Variants in RORB observed in about 807,000 individuals in gnomAD.
RORB encodes RAR related orphan receptor B.
Under a neutral mutation model 59.1 loss-of-function variants are expected in RORB, and 6 were observed. That is an observed-to-expected ratio of 0.10 (90% CI 0.06 to 0.20). The LOEUF (loss-of-function observed/expected upper bound fraction) is 0.20, where lower values mean the gene tolerates loss of function less well. RORB is among the 10% of genes least tolerant of loss of function. The pLI, the probability that RORB is intolerant of heterozygous loss-of-function variation, is 1.00. For missense variants in RORB, 320 were observed against 560.5 expected (o/e 0.57, Z 4.33); for synonymous variants, 215 against 204.5 (o/e 1.05, Z -0.44).
intron 3 of RORB, among the ~76,000 whole-genome samples, chr9:74,639,824 G>T (rs1823766489): frequency 6.6e-6 from 1 of 152,118 alleles, no homozygotes; most frequent in Non-Finnish European, 1.5e-5. Flanking sequence ...AATATTTATA[G>T]TTGTTTATTT....
At chr9:74,557,575 A>C (rs1209228714) in intron 1 of RORB, among the ~76,000 whole-genome samples, 3 of 152,172 alleles carry the variant, frequency 2.0e-5, no homozygotes, top group Non-Finnish European at 4.4e-5. Flanking sequence ...ATGCACACTA[A>C]TATAATCAGG....
chr9:74,608,836 T>C (rs1823189754), intron 1 of RORB, among the ~76,000 whole-genome samples: 1 of 152,222 alleles, frequency 6.6e-6, no homozygotes. Context: ...TTTGCCAAAC[T>C]GTAAATAGAT....
At chr9:74,515,700 A>G (rs142973539) in intron 1 of RORB, among the ~76,000 whole-genome samples, 11 of 152,146 alleles carry the variant, frequency 7.2e-5, no homozygotes, top group African/African-American at 2.6e-4. Context: ...TGAACCTATA[A>G]TGTTTCAAAA....
intron 1 of RORB, among the ~76,000 whole-genome samples, chr9:74,604,291 G>A (rs1426338959): frequency 6.6e-6 from 1 of 152,102 alleles, no homozygotes. Context: ...CCTTGGCAAG[G>A]CCATTTAATC....
rs368073361 is a variant in RORB, at chr9:74,677,294, G to A, written c.1224+5393G>A. Among the ~76,000 whole-genome samples the A allele has an allele frequency of 1.8e-4, 27 of 152,216 alleles. No individual in the cohort carries two copies. In the South Asian group the frequency reaches 1.9e-3, roughly 11 times the overall value. On this transcript the variant is annotated intron_variant, in intron 9 of 9. Coordinates refer to ENST00000376896, the MANE Select transcript of RORB (RefSeq NM_006914.4). ...TTCCTGACTTCTGACCTACTATACCGTGGCCAGCACTACTTTGGGCATCTA... is the reference window on the plus strand; with the variant it reads ...TTCCTGACTTCTGACCTACTATACCATGGCCAGCACTACTTTGGGCATCTA...
At chr9:74,602,546 G>A (rs1287483285) in intron 1 of RORB, among the ~76,000 whole-genome samples, 1 of 152,208 alleles carries the variant, frequency 6.6e-6, no homozygotes, top group Non-Finnish European at 1.5e-5. Flanking sequence ...GATGACAAGT[G>A]ACGATCCGTC....
intron 1 of RORB, among the ~76,000 whole-genome samples, chr9:74,549,090 C>T (rs4745340): frequency 1.3e-5 from 2 of 151,962 alleles, no homozygotes; most frequent in South Asian, 2.1e-4. Flanking sequence ...TTGAAATATG[C>T]GTACTGCTCA....
intron 4 of RORB, among the ~76,000 whole-genome samples, chr9:74,660,152 A>C (rs2118509803): frequency 6.6e-6 from 1 of 152,152 alleles, no homozygotes; most frequent in South Asian, 2.1e-4. Context: ...CCTTTCTTTT[A>C]GTTTATTGTT....
intron 2 of RORB, among the ~76,000 whole-genome samples, chr9:74,634,018 C>T (rs537885404): frequency 6.6e-6 from 1 of 151,414 alleles, no homozygotes; most frequent in East Asian, 1.9e-4. Context: ...CACTATGATC[C>T]TGCCTGCAAA....
At chr9:74,507,164 T>C (rs1220040734) in intron 1 of RORB, among the ~76,000 whole-genome samples, 2 of 152,108 alleles carry the variant, frequency 1.3e-5, no homozygotes, top group Non-Finnish European at 2.9e-5. Context: ...CAGTGTACTA[T>C]TCTGGTTGGT....
At chr9:74,581,550 C>T (rs1230731240) in intron 1 of RORB, among the ~76,000 whole-genome samples, 3 of 152,284 alleles carry the variant, frequency 2.0e-5, no homozygotes, top group African/African-American at 4.8e-5. Flanking sequence ...AAGGTGTCTC[C>T]ACCTGCTTGA....
At chr9:74,623,161 C>G (rs1196072470) in intron 1 of RORB, among the ~76,000 whole-genome samples, 1 of 152,126 alleles carries the variant, frequency 6.6e-6, no homozygotes. Flanking sequence ...AATAGAAAAA[C>G]TGTATGGTTT....
At chr9:74,655,781 A>G (rs867667955) in intron 4 of RORB, among the ~76,000 whole-genome samples, 3 of 152,180 alleles carry the variant, frequency 2.0e-5, no homozygotes, top group Non-Finnish European at 2.9e-5. Context: ...TAATTGACAG[A>G]ATGAGCCCTC....
At chr9:74,675,848 C>T (rs371235669) in intron 9 of RORB, among the ~76,000 whole-genome samples, 1 of 152,202 alleles carries the variant, frequency 6.6e-6, no homozygotes, top group African/African-American at 2.4e-5. Context: ...ACCTGTGATG[C>T]TCTTTCCCCA....
chr9:74,556,430 T>C (rs1822291197), intron 1 of RORB, among the ~76,000 whole-genome samples: 1 of 152,172 alleles, frequency 6.6e-6, no homozygotes. Context: ...AGCAAGGAGT[T>C]TGATCCTGAT....
At chr9:74,609,289 G>T (rs551319680) in intron 1 of RORB, among the ~76,000 whole-genome samples, 11 of 152,324 alleles carry the variant, frequency 7.2e-5, no homozygotes, top group Non-Finnish European at 1.3e-4. Context: ...AGCTAGAGAA[G>T]TGTAGAAACA....
chr9:74,584,167 C>T (rs1822764438), intron 1 of RORB, among the ~76,000 whole-genome samples: 1 of 152,146 alleles, frequency 6.6e-6, no homozygotes, highest in Admixed American at 6.5e-5. Context: ...TGCAGCAAGT[C>T]ATGCAGAATT....
intron 3 of RORB, among the ~76,000 whole-genome samples, chr9:74,640,702 C>G (rs147946457): frequency 1.2e-4 from 18 of 152,274 alleles, no homozygotes; most frequent in African/African-American, 3.9e-4. Context: ...CCCAATACCC[C>G]CAAGTGAATG....
intron 1 of RORB, among the ~76,000 whole-genome samples, chr9:74,614,756 T>A (rs1336211178): frequency 2.0e-5 from 3 of 152,166 alleles, no homozygotes; most frequent in Non-Finnish European, 2.9e-5. Context: ...CTAATACATA[T>A]GTAGGCATTT....
Sources: allele counts gnomAD v4.1 joint callset (sites outside exome capture counted in the v4.1 genomes callset), GRCh38; gene constraint gnomAD v4.1.1; transcripts MANE v1.5; gene names NCBI Gene and HGNC (gene_info 2026-07-23, HGNC 2026-07-21).